TCF3: variants seen among roughly 807,000 people sequenced by gnomAD.
The protein encoded by TCF3 is transcription factor 3.
TCF3 carries 54 observed loss-of-function variants against 72.3 expected under a neutral mutation model. That is an observed-to-expected ratio of 0.75 (90% CI 0.60 to 0.94). The LOEUF (loss-of-function observed/expected upper bound fraction) is 0.94, where lower values mean the gene tolerates loss of function less well. Among genes scored for constraint, TCF3 ranks in the 40% least tolerant of loss-of-function variants. TCF3 has a pLI of 0.00. For synonymous variants in TCF3, 525 were observed against 412.6 expected, an observed-to-expected ratio of 1.27 and a Z score of -3.30; for missense variants, 1,078 against 934.4, an observed-to-expected ratio of 1.15 and a Z score of -2.00.
intron 3 of TCF3, among the ~76,000 whole-genome samples, chr19:1,634,315 A>C (rs963686027): frequency 5.9e-5 from 9 of 152,248 alleles, no homozygotes; most frequent in African/African-American, 1.9e-4. Context: ...AGAATAAGAC[A>C]CTGCTGTCAG....
chr19:1,620,957 C>A lies in TCF3; in HGVS notation c.1093+11G>T. 2 of 1,483,464 alleles carry A rather than the reference C, an allele frequency of 1.3e-6. No homozygotes were observed. The highest frequency in any genetic ancestry group is 1.8e-6 in the Non-Finnish European group (2 of 1,118,530). 91.9% of individuals were successfully genotyped at this position (1,483,464 alleles called of 1,614,324 possible). A position where few individuals can be genotyped will look rare whatever the true frequency, so the allele number is the denominator to read the frequency against. On this transcript the variant is annotated intron_variant, in intron 13 of 18. Coordinates refer to ENST00000262965, the MANE Select transcript of TCF3 (RefSeq NM_003200.5). The stretch of plus-strand genomic sequence containing the variant: ...ACCTCAGCCTCCCCTCCCCCCAAAA[C>A]CCTCACAGACCTGCCAGGCCCTGGG...
At chr19:1,650,837 C>A in intron 1 of TCF3, 2 of 231,266 alleles carry the variant, frequency 8.6e-6, no homozygotes, top group Non-Finnish European at 1.7e-5. Flanking sequence ...CCACGAAACT[C>A]TTTTACAAGC....
chr19:1,619,245 G>A lies in TCF3; in HGVS notation c.1327-11C>T, dbSNP rs770365489. The A allele has an allele frequency of 6.3e-7, 1 of 1,586,186 alleles. No homozygotes were observed. Among genetic ancestry groups the A allele is most frequent in the African/African-American group, 1.3e-5 (1 of 74,852 alleles). ...GTGGCTGCCTCCAACCTGCAGGCGTGGGGAGACGGGTGCATCAGGGGGAGC... is the reference window on the plus strand; with the variant it reads ...GTGGCTGCCTCCAACCTGCAGGCGTAGGGAGACGGGTGCATCAGGGGGAGC... On this transcript the variant is annotated splice_polypyrimidine_tract_variant and intron_variant, in intron 15 of 18. Transcript: ENST00000262965.
rs73506282 is a variant in TCF3 at position 1,620,951 on chromosome 19, C to A, written c.1093+17G>T. The A allele has an allele frequency of 2.1e-5, 31 of 1,481,582 alleles. No individual in the cohort carries two copies. The highest frequency in any genetic ancestry group is 1.7e-4 in the Middle Eastern group (1 of 5,758). The allele number at this position is 1,481,582 out of a possible 1,614,324, so 91.8% of individuals were successfully genotyped here. ...TCACAGACCTCAGCCTCCCCTCCCC[C>A]CAAAACCCTCACAGACCTGCCAGGC... On this transcript the variant is annotated intron_variant, in intron 13 of 18. Coordinates refer to ENST00000262965, the MANE Select transcript of TCF3 (RefSeq NM_003200.5).
At chr19:1,631,601 C>A (rs996428604) in intron 5 of TCF3, among the ~76,000 whole-genome samples, 1 of 152,050 alleles carries the variant, frequency 6.6e-6, no homozygotes, top group Non-Finnish European at 1.5e-5. Flanking sequence ...ACAGGAGGGC[C>A]CCCCAGGGAA....
Position 1,630,914 on chromosome 19 carries a change from G to C in TCF3, c.298+1124C>G, listed in dbSNP as rs541931077. On this transcript the variant is annotated intron_variant, in intron 5 of 18. Coordinates refer to ENST00000262965, the MANE Select transcript of TCF3 (RefSeq NM_003200.5). ...CGGGGCATTTCCTGTGTCACCCGCA[G>C]GAGGGACCGCACACGGGACACTGTC... Among the ~76,000 whole-genome samples, 4 of 152,358 alleles carry C rather than the reference G, an allele frequency of 2.6e-5. No homozygotes were observed. In the East Asian group the frequency reaches 5.8e-4, roughly 22 times the overall value.
At chr19:1,642,386 G>C (rs2065463510) in intron 3 of TCF3, among the ~76,000 whole-genome samples, 1 of 152,234 alleles carries the variant, frequency 6.6e-6, no homozygotes, top group African/African-American at 2.4e-5. Flanking sequence ...ACCAATGTCG[G>C]CTTCCTAGGT....
Position 1,622,239 on chromosome 19 carries a change from G to A in TCF3, c.653-16C>T. 3 of 1,528,816 alleles carry A rather than the reference G, an allele frequency of 2.0e-6. No homozygotes were observed. Among genetic ancestry groups the A allele is most frequent in the Non-Finnish European group, 2.6e-6 (3 of 1,137,776 alleles). 94.7% of individuals were successfully genotyped at this position (1,528,816 alleles called of 1,614,324 possible). A position where few individuals can be genotyped will look rare whatever the true frequency, so the allele number is the denominator to read the frequency against. ...AGGCTGCCATCTGTGGAGGGGAGCT[G>A]GTAAGGTGGGGGCCGAGTGGGGAAC... On this transcript the variant is annotated splice_polypyrimidine_tract_variant and intron_variant, in intron 9 of 18. Transcript: ENST00000262965.
At chr19:1,636,776 G>A (rs1339429925) in intron 3 of TCF3, among the ~76,000 whole-genome samples, 2 of 152,104 alleles carry the variant, frequency 1.3e-5, no homozygotes, top group Admixed American at 6.6e-5. Context: ...AATGCTTCTG[G>A]GGCACCACAG....
rs1040501069 is a variant in TCF3, at chr19:1,611,023, G to C, written c.*684C>G. On this transcript the variant is annotated 3_prime_UTR_variant, in exon 19 of 19. Coordinates refer to ENST00000262965, the MANE Select transcript of TCF3 (RefSeq NM_003200.5). ...TCAAGAAATGCAATGCTCAGTCTAG[G>C]AACAGCAGCAGAAATAGCGAGAGAC... is the stretch of plus-strand genomic sequence containing the variant. 1 of 226,268 alleles carries C rather than the reference G, an allele frequency of 4.4e-6. No homozygotes were observed. Among genetic ancestry groups the C allele is most frequent in the Non-Finnish European group, 8.7e-6 (1 of 114,604 alleles). The allele number at this position is 226,268 out of a possible 1,614,324, so 14.0% of individuals were successfully genotyped here.
In TCF3 at chr19:1,614,251, G is replaced by C. The variant is rs1013957322; in HGVS notation, c.1822+1034C>G. ...CCTGAGGGGATCCCTCCAGGTGGTG[G>C]GGGCGGCCCCTGGAGCCCAGGACAA... On this transcript the variant is annotated intron_variant, in intron 18 of 18. Coordinates refer to ENST00000262965, the MANE Select transcript of TCF3 (RefSeq NM_003200.5). The surrounding 1 kb of genome is among the most constrained non-coding windows in gnomAD (Gnocchi z 5.6). Among the ~76,000 whole-genome samples the C allele has an allele frequency of 6.6e-6, 1 of 152,212 alleles. No individual in the cohort carries two copies. Among genetic ancestry groups the C allele is most frequent in the African/African-American group, 2.4e-5 (1 of 41,466 alleles).
intron 5 of TCF3, 78 bp downstream of exon 5, chr19:1,631,960 T>G (rs747488919): frequency 6.4e-7 from 1 of 1,562,976 alleles, no homozygotes; most frequent in South Asian, 1.2e-5. Context: ...CCTGGCGCTG[T>G]GCGTGCACTG....
intron 5 of TCF3, among the ~76,000 whole-genome samples, chr19:1,630,316 G>A (rs938839807): frequency 2.0e-5 from 3 of 152,190 alleles, no homozygotes; most frequent in African/African-American, 7.2e-5. Flanking sequence ...CCCGTGGCAC[G>A]TGGTGGGCCC....
chr19:1,615,794 G>T lies in TCF3; in HGVS notation c.1478C>A (p.Ala493Asp), dbSNP rs1202868347. ...CTCCTCCCGCTTGATCTCGCTGGCG[G>T]CCGCCGTGGCACCTGCTCGCCCTAG... is the stretch of plus-strand genomic sequence containing the variant. ...SGLGRAGATA[A>D]ASEIKREEKE... is the part of the protein sequence containing the mutation. Residue 493 changes from alanine to aspartate, a missense_variant, in exon 17 of 19, where the codon GCC becomes GAC. Coordinates refer to ENST00000262965, the MANE Select transcript of TCF3 (RefSeq NM_003200.5). This position sits in a 1 kb window ranked among gnomAD's most constrained non-coding sequence, Gnocchi z 7.3. 2.5e-6 allele frequency: 4 copies of T among 1,576,334 alleles called. No homozygotes were observed. In the South Asian group the frequency reaches 3.5e-5, roughly 14 times the overall value.
At chr19:1,640,069 T>G (rs148203264) in intron 3 of TCF3, among the ~76,000 whole-genome samples, 1,533 of 152,176 alleles carry the variant, frequency 0.01, 31 homozygotes, top group African/African-American at 0.035. Context: ...AGAAACCACC[T>G]AAAAGTTGGC....
chr19:1,629,389 G>A (rs1168083601), intron 5 of TCF3, among the ~76,000 whole-genome samples: 1 of 152,198 alleles, frequency 6.6e-6, no homozygotes, highest in Admixed American at 6.5e-5. Flanking sequence ...ATGAGCACGT[G>A]ACCTGCACCC....
chr19:1,626,428 C>A (rs1272855542), intron 6 of TCF3, among the ~76,000 whole-genome samples: 1 of 151,910 alleles, frequency 6.6e-6, no homozygotes, highest in African/African-American at 2.4e-5. Flanking sequence ...CCAGCCTGGG[C>A]CATGAGCGAA....
chr19:1,642,459 A>G (rs541920503), intron 3 of TCF3, among the ~76,000 whole-genome samples: 2 of 152,174 alleles, frequency 1.3e-5, no homozygotes, highest in East Asian at 3.9e-4. Flanking sequence ...AGAGGAGAAC[A>G]CTCTGCCACT....
intron 5 of TCF3, among the ~76,000 whole-genome samples, chr19:1,627,796 G>A (rs1208958264): frequency 7.1e-6 from 1 of 140,478 alleles, no homozygotes; most frequent in East Asian, 2.1e-4. Context: ...GAAGGGGACA[G>A]CAGAGCTCAC....
Sources: allele counts gnomAD v4.1 joint callset (sites outside exome capture counted in the v4.1 genomes callset), GRCh38; gene constraint gnomAD v4.1.1; non-coding constraint Gnocchi (gnomAD v3.1); transcripts MANE v1.5; gene names NCBI Gene and HGNC (gene_info 2026-07-23, HGNC 2026-07-21).